STAG1: variants seen among roughly 807,000 people sequenced by gnomAD.
The protein encoded by STAG1 is cohesin subunit SA-1.
STAG1 carries 26 observed loss-of-function variants against 170.9 expected under a neutral mutation model. That is an observed-to-expected ratio of 0.15 (90% CI 0.11 to 0.21). STAG1 has a LOEUF of 0.21. Among genes scored for constraint, STAG1 ranks in the 10% least tolerant of loss-of-function variants. The pLI is 1.00. For synonymous variants in STAG1, 514 were observed against 497.7 expected (o/e 1.03, Z -0.44); for missense variants, 964 against 1,509.5 (o/e 0.64, Z 5.99).
intron 4 of STAG1, among the ~76,000 whole-genome samples, chr3:136,589,769 A>G (rs1290676284): frequency 1.3e-5 from 2 of 151,948 alleles, no homozygotes; most frequent in African/African-American, 4.8e-5. Context: ...TGTCTCTACT[A>G]AAAATACAAA....
At chr3:136,607,451 G>A (rs764686577) in intron 3 of STAG1, among the ~76,000 whole-genome samples, 1 of 152,126 alleles carries the variant, frequency 6.6e-6, no homozygotes, top group Non-Finnish European at 1.5e-5. Flanking sequence ...TGCTCAGGCT[G>A]GAGTGCGGTG....
chr3:136,668,548 G>A (rs1941886998), intron 1 of STAG1, among the ~76,000 whole-genome samples: 1 of 151,722 alleles, frequency 6.6e-6, no homozygotes, highest in African/African-American at 2.4e-5. Context: ...GAGAAAGCAA[G>A]AGGAGTAAGC....
At chr3:136,541,577 CACACACA>C in intron 6 of STAG1, among the ~76,000 whole-genome samples, 1 of 151,306 alleles carries the variant, frequency 6.6e-6, no homozygotes. Context: ...CACACACACA[CACACACA>C]CCAGGGGTTT....
intron 1 of STAG1, among the ~76,000 whole-genome samples, chr3:136,741,320 G>A (rs1301738396): frequency 6.6e-6 from 1 of 152,200 alleles, no homozygotes; most frequent in Non-Finnish European, 1.5e-5. Context: ...TCATTTCAAT[G>A]ACTTCTACCA....
intron 7 of STAG1, 22 bp downstream of exon 7, chr3:136,521,191 A>T: frequency 6.3e-7 from 1 of 1,590,616 alleles, no homozygotes; most frequent in Non-Finnish European, 8.6e-7. Flanking sequence ...AATGAAAAGG[A>T]AATAAAATGT....
At chr3:136,473,002 G>A (rs1278258135) in intron 11 of STAG1, among the ~76,000 whole-genome samples, 1 of 152,172 alleles carries the variant, frequency 6.6e-6, no homozygotes, top group African/African-American at 2.4e-5. Flanking sequence ...TGTATTTACA[G>A]CTGTTCTCCA....
intron 6 of STAG1, among the ~76,000 whole-genome samples, chr3:136,529,898 T>G (rs187739462): frequency 6.6e-6 from 1 of 152,300 alleles, no homozygotes; most frequent in East Asian, 1.9e-4. Context: ...TAATATTAAC[T>G]TTGAATGTAA....
At chr3:136,541,322 T>C (rs1935888786) in intron 6 of STAG1, among the ~76,000 whole-genome samples, 1 of 152,090 alleles carries the variant, frequency 6.6e-6, no homozygotes, top group Non-Finnish European at 1.5e-5. Context: ...AATGGTAGCC[T>C]AATACATAAT....
intron 22 of STAG1, among the ~76,000 whole-genome samples, chr3:136,388,683 G>A (rs1369850111): frequency 6.6e-6 from 1 of 151,906 alleles, no homozygotes; most frequent in Non-Finnish European, 1.5e-5. Context: ...TACTTACATA[G>A]ATAAATTGTG....
intron 25 of STAG1, among the ~76,000 whole-genome samples, chr3:136,366,151 C>T (rs1011501702): frequency 2.0e-5 from 3 of 151,928 alleles, no homozygotes; most frequent in African/African-American, 7.2e-5. Flanking sequence ...AAAATAAAAT[C>T]CCAGTTTCTG....
intron 13 of STAG1, among the ~76,000 whole-genome samples, chr3:136,464,445 A>C (rs2089392186): frequency 6.6e-6 from 1 of 152,056 alleles, no homozygotes. Flanking sequence ...AAAAAACAAA[A>C]AAATCATCAT....
intron 13 of STAG1, among the ~76,000 whole-genome samples, chr3:136,453,209 TATC>T (rs2088996321): frequency 6.6e-6 from 1 of 152,100 alleles, no homozygotes; most frequent in Admixed American, 6.5e-5. Context: ...ATTAATAAAA[TATC>T]ATGTAGTAAC....
At chr3:136,474,156 A>C (rs2089689043) in intron 10 of STAG1, among the ~76,000 whole-genome samples, 1 of 152,164 alleles carries the variant, frequency 6.6e-6, no homozygotes, top group Non-Finnish European at 1.5e-5. Flanking sequence ...TGGGAGTGCT[A>C]TTTATTAGTG....
chr3:136,622,573 G>T (rs1368024364), intron 3 of STAG1, among the ~76,000 whole-genome samples: 1 of 152,100 alleles, frequency 6.6e-6, no homozygotes, highest in African/African-American at 2.4e-5. Flanking sequence ...TCATAAAATA[G>T]AAAAGAATTA....
chr3:136,373,456 G>A (rs1331062202), intron 23 of STAG1, among the ~76,000 whole-genome samples: 1 of 151,990 alleles, frequency 6.6e-6, no homozygotes, highest in African/African-American at 2.4e-5. Flanking sequence ...GTCAATTTTA[G>A]ATCTTTCCGG....
chr3:136,739,216 A>T (rs1934517163), intron 1 of STAG1, among the ~76,000 whole-genome samples: 1 of 152,144 alleles, frequency 6.6e-6, no homozygotes, highest in African/African-American at 2.4e-5. Context: ...GGGACAATTA[A>T]TTTCAAACAC....
At position 136,433,640 on chromosome 3, in the gene STAG1, C is replaced by G; in HGVS notation, c.1566G>C (p.Glu522Asp). The G allele has an allele frequency of 6.2e-7, 1 of 1,610,340 alleles. No individual in the cohort carries two copies. The highest frequency in any genetic ancestry group is 8.5e-7 in the Non-Finnish European group (1 of 1,178,538). The stretch of plus-strand genomic sequence containing the variant: ...AAACCATTAGCTCTATAAGAGCACT[C>G]TCTTGACGATCAGACATTGCTAAGG... Reference protein sequence around the residue: ...QGEEAMSDRQESALIELMVCT... With the variant: ...QGEEAMSDRQDSALIELMVCT... The change falls in exon 16 of 34, where the codon GAG becomes GAC. Residue 522 changes from glutamate to aspartate, a missense_variant. Physicochemically the swap from Glu to Asp is conservative, Grantham distance 45. Coordinates refer to ENST00000383202, the MANE Select transcript of STAG1 (RefSeq NM_005862.3).
intron 1 of STAG1, among the ~76,000 whole-genome samples, chr3:136,689,555 T>C (rs1031964799): frequency 1.3e-5 from 2 of 152,244 alleles, no homozygotes; most frequent in African/African-American, 4.8e-5. Flanking sequence ...TCTTTTATCA[T>C]CAAACCAGTA....
intron 4 of STAG1, among the ~76,000 whole-genome samples, chr3:136,590,005 C>A (rs1264473495): frequency 6.6e-6 from 1 of 151,944 alleles, no homozygotes; most frequent in Non-Finnish European, 1.5e-5. Flanking sequence ...CACCTATAAT[C>A]CCATCTACTA....
Sources: gnomAD v4.1 joint callset for allele counts (sites outside exome capture counted in the v4.1 genomes callset) on GRCh38, gnomAD v4.1.1 for gene constraint, MANE v1.5 for transcripts, NCBI Gene and HGNC (gene_info 2026-07-23, HGNC 2026-07-21) for gene names.